Variants in RCAN3 observed in about 807,000 individuals in gnomAD.
RCAN3 encodes the protein regulator of calcineurin 3.
A neutral mutation model predicts 21.9 loss-of-function variants in RCAN3; 19 were observed. The observed-to-expected ratio is 0.87, with a 90% CI of 0.61 to 1.27. The LOEUF is 1.27. RCAN3 is among the 50% of genes most tolerant of loss of function. The pLI is 0.00. For synonymous variants in RCAN3, 114 were observed against 112.3 expected (o/e 1.01, Z -0.09); for missense variants, 240 against 300.1 (o/e 0.80, Z 1.48).
intron 2 of RCAN3, among the ~76,000 whole-genome samples, chr1:24,517,509 A>T (rs1175234289): frequency 6.6e-6 from 1 of 152,132 alleles, no homozygotes; most frequent in Non-Finnish European, 1.5e-5. Flanking sequence ...TTCATTTTTT[A>T]AACCATTTGG....
chr1:24,513,168 C>A (rs1234806448), intron 1 of RCAN3, among the ~76,000 whole-genome samples: 1 of 152,074 alleles, frequency 6.6e-6, no homozygotes, highest in African/African-American at 2.4e-5. Context: ...ACCCGGGAGG[C>A]GGAGCTTGCA....
rs758080794 is a variant in RCAN3 at position 24,533,117 on chromosome 1, A to T, written c.404A>T (p.Tyr135Phe). ...QMSGEVRDKS[Y>F]LLPPQPVKQF... is the part of the protein sequence containing the mutation. Reference sequence around the variant, plus strand: ...TCCGGCGAAGTGCGGGACAAGTCCTATCTCCTGCCGCCCCAGCCTGTCAAG... The same window carrying T: ...TCCGGCGAAGTGCGGGACAAGTCCTTTCTCCTGCCGCCCCAGCCTGTCAAG... The change falls in exon 4 of 5, where the codon TAT becomes TTT. Residue 135 changes from tyrosine to phenylalanine, a missense_variant. Physicochemically the swap from Tyr to Phe is conservative, Grantham distance 22 (BLOSUM62 3). Transcript: ENST00000374395. The T allele has an allele frequency of 6.4e-7, 1 of 1,556,102 alleles. No homozygotes were observed. The highest frequency in any genetic ancestry group is 1.2e-5 in the South Asian group (1 of 82,010).
chr1:24,508,740 C>A (rs191816996), intron 1 of RCAN3, among the ~76,000 whole-genome samples: 27 of 152,254 alleles, frequency 1.8e-4, no homozygotes, highest in African/African-American at 6.5e-4. Flanking sequence ...GCCGGTCACA[C>A]GAATTTTGGT....
rs34827408 is a variant in RCAN3 at position 24,538,571 on chromosome 1, AT to A, written c.*3314del. On this transcript the variant is annotated 3_prime_UTR_variant, in exon 5 of 5. Coordinates refer to ENST00000374395, the MANE Select transcript of RCAN3 (RefSeq NM_013441.4). ...AGGCGCCCGCTCCCACGCCCGGCTA[AT>A]TTTTTTTTTTTTTTTTTTTATAAGT... The A allele has an allele frequency of 8.4e-3, 1,075 of 127,526 alleles. 5 individuals carry two copies. Among genetic ancestry groups the A allele is most frequent in the African/African-American group, 0.012 (390 of 31,636 alleles). 7.9% of individuals were successfully genotyped at this position (127,526 alleles called of 1,614,324 possible).
At position 24,538,565 on chromosome 1, in the gene RCAN3, C is replaced by T. The variant is rs999128836; in HGVS notation, c.*3288C>T. On this transcript the variant is annotated 3_prime_UTR_variant, in exon 5 of 5. Coordinates refer to ENST00000374395, the MANE Select transcript of RCAN3 (RefSeq NM_013441.4). ...GACTACAGGCGCCCGCTCCCACGCC[C>T]GGCTAATTTTTTTTTTTTTTTTTTT... is the stretch of plus-strand genomic sequence containing the variant. 8.1e-5 allele frequency: 11 copies of T among 135,124 alleles called. No homozygotes were observed. Among genetic ancestry groups the T allele is most frequent in the East Asian group, 2.3e-4 (1 of 4,408 alleles). The allele number at this position is 135,124 out of a possible 1,614,324, so 8.4% of individuals were successfully genotyped here.
chr1:24,507,979 G>A (rs1647569768), intron 1 of RCAN3, among the ~76,000 whole-genome samples: 1 of 152,226 alleles, frequency 6.6e-6, no homozygotes, highest in South Asian at 2.1e-4. Flanking sequence ...TCGGGAGGCT[G>A]AGGCAGGAGA....
At chr1:24,505,597 C>A (rs1647380014) in intron 1 of RCAN3, among the ~76,000 whole-genome samples, 1 of 152,098 alleles carries the variant, frequency 6.6e-6, no homozygotes, top group Admixed American at 6.5e-5. Context: ...TAGCCCAAAG[C>A]ACCTATGTTT....
At chr1:24,523,603 TAC>T (rs71577716) in intron 2 of RCAN3, among the ~76,000 whole-genome samples, 5,065 of 140,690 alleles carry the variant, frequency 0.036, 77 homozygotes, top group African/African-American at 0.038. Flanking sequence ...TTATTTCTAA[TAC>T]ACACACACAC....
chr1:24,524,347 G>A (rs911673954), intron 2 of RCAN3, among the ~76,000 whole-genome samples: 2 of 152,280 alleles, frequency 1.3e-5, no homozygotes, highest in East Asian at 3.9e-4. Context: ...TTCAGTTACA[G>A]GTTTCTTTCT....
intron 1 of RCAN3, among the ~76,000 whole-genome samples, chr1:24,510,133 C>T (rs773715358): frequency 2.0e-5 from 3 of 152,150 alleles, no homozygotes; most frequent in African/African-American, 4.8e-5. Context: ...TGAATTGTTC[C>T]GTTCATAGAG....
intron 2 of RCAN3, among the ~76,000 whole-genome samples, chr1:24,517,688 A>G (rs1240245401): frequency 5.9e-5 from 9 of 152,202 alleles, no homozygotes; most frequent in African/African-American, 1.2e-4. Flanking sequence ...CATCAGTTGG[A>G]TATAAAATAT....
At chr1:24,535,009 T>A in intron 4 of RCAN3, 84 bp from the exon 5 acceptor site, 5 of 1,312,316 alleles carry the variant, frequency 3.8e-6, no homozygotes, top group Admixed American at 2.8e-5. Context: ...AAAATAGGAG[T>A]AGAACAAAAA....
intron 2 of RCAN3, among the ~76,000 whole-genome samples, chr1:24,516,288 G>T (rs943019642): frequency 6.6e-6 from 1 of 152,088 alleles, no homozygotes; most frequent in Non-Finnish European, 1.5e-5. Context: ...AATATAGCGA[G>T]ACCCCATCTC....
chr1:24,534,351 C>T (rs1191525744), intron 4 of RCAN3, among the ~76,000 whole-genome samples: 1 of 152,110 alleles, frequency 6.6e-6, no homozygotes, highest in Non-Finnish European at 1.5e-5. Context: ...ACCTGTAATC[C>T]CAGCACTTTG....
At chr1:24,531,115 A>G in intron 2 of RCAN3, 103 bp from the exon 3 acceptor site, 1 of 787,574 alleles carries the variant, frequency 1.3e-6, no homozygotes, top group East Asian at 2.6e-5. Context: ...ACTTATAATG[A>G]GTTCTTAATT....
chr1:24,516,538 T>C (rs1306415100), intron 2 of RCAN3, among the ~76,000 whole-genome samples: 3 of 152,158 alleles, frequency 2.0e-5, no homozygotes, highest in African/African-American at 7.2e-5. Context: ...TTCTGTGTGC[T>C]TAGCACATAG....
rs184196127 is a variant in RCAN3 at position 24,503,378 on chromosome 1, G to A, written c.-60+228G>A. 3.1e-3 allele frequency among the ~76,000 whole-genome samples: 471 copies of A among 152,238 alleles called. 3 individuals are homozygous for A. Among genetic ancestry groups the A allele is most frequent in the South Asian group, 0.011 (55 of 4,824 alleles). ...GGGGTCTAGTCTGGCAGCCTCGAGGGTGGTGTCCCGGAAAACAAAACAAAA... is the reference window on the plus strand; with the variant it reads ...GGGGTCTAGTCTGGCAGCCTCGAGGATGGTGTCCCGGAAAACAAAACAAAA... On this transcript the variant is annotated intron_variant, in intron 1 of 4. Transcript: ENST00000374395.
intron 2 of RCAN3, among the ~76,000 whole-genome samples, chr1:24,515,463 T>TGC (rs1648238392): frequency 1.3e-5 from 2 of 150,010 alleles, no homozygotes; most frequent in African/African-American, 4.9e-5. Context: ...TGTGTGTGTG[T>TGC]GCTTTGTTTT....
At chr1:24,532,693 A>T (rs1252148823) in intron 3 of RCAN3, among the ~76,000 whole-genome samples, 1 of 150,902 alleles carries the variant, frequency 6.6e-6, no homozygotes, top group African/African-American at 2.4e-5. Flanking sequence ...TCACACCTGT[A>T]ATCCCAGCAC....
Sources: allele counts gnomAD v4.1 joint callset (sites outside exome capture counted in the v4.1 genomes callset), GRCh38; gene constraint gnomAD v4.1.1; transcripts MANE v1.5; gene names NCBI Gene and HGNC (gene_info 2026-07-23, HGNC 2026-07-21).